The following ST3GAL4 variants were observed in gnomAD, a reference collection of about 807,000 sequenced individuals.
The protein encoded by ST3GAL4 is ST3 beta-galactoside alpha-2,3-sialyltransferase 4.
In ST3GAL4, 24 loss-of-function variants were observed where a neutral mutation model predicts 42.6. The ratio of observed to expected loss-of-function variants is 0.56; its 90% confidence interval spans 0.41 to 0.79. The LOEUF is 0.79. ST3GAL4 is among the 30% of genes least tolerant of loss of function. The pLI is 0.00. For synonymous variants in ST3GAL4, 135 were observed against 163.2 expected, an observed-to-expected ratio of 0.83 and a Z score of 1.32; for missense variants, 311 against 430.8, an observed-to-expected ratio of 0.72 and a Z score of 2.46.
chr11:126,375,718 G>A (rs73632771), intron 1 of ST3GAL4, among the ~76,000 whole-genome samples: 4,921 of 152,202 alleles, frequency 0.032, 254 homozygotes, highest in African/African-American at 0.11. Flanking sequence ...GTCACACCTG[G>A]GGAGTGGGAT....
intron 1 of ST3GAL4, among the ~76,000 whole-genome samples, chr11:126,385,441 C>G (rs1288037610): frequency 6.6e-6 from 1 of 152,080 alleles, no homozygotes; most frequent in Non-Finnish European, 1.5e-5. Flanking sequence ...CATGAGCCAC[C>G]GCGCCTGACC....
chr11:126,386,925 C>G lies in ST3GAL4; in HGVS notation c.-60-19171C>G, dbSNP rs182793751. On this transcript the variant is annotated intron_variant, in intron 1 of 10. Transcript: ENST00000444328. The surrounding 1 kb of genome is among the most constrained non-coding windows in gnomAD (Gnocchi z 4.7). Reference sequence around the variant, plus strand: ...CCCCTCCCCCACCCCGCTGGAGAAGCCCTGCACCAGAGCATACAGTTTGGC... The same window carrying G: ...CCCCTCCCCCACCCCGCTGGAGAAGGCCTGCACCAGAGCATACAGTTTGGC... 8.6e-5 allele frequency among the ~76,000 whole-genome samples: 13 copies of G among 151,838 alleles called. No individual in the cohort carries two copies. The highest frequency in any genetic ancestry group is 5.2e-4 in the Admixed American group (8 of 15,272).
rs1954236401 is a variant in ST3GAL4 at position 126,406,468 on chromosome 11, T to C, written c.17-5T>C. ...CTCTAGCTCCTCTCTGCATGTGTCCTGCAGGCTGGAAGCTCCTGGCCATGT... is the reference window on the plus strand; with the variant it reads ...CTCTAGCTCCTCTCTGCATGTGTCCCGCAGGCTGGAAGCTCCTGGCCATGT... On this transcript the variant is annotated splice_polypyrimidine_tract_variant and splice_region_variant and intron_variant, in intron 2 of 10. Transcript: ENST00000444328. This position sits in a 1 kb window ranked among gnomAD's most constrained non-coding sequence, Gnocchi z 5.4. 6.2e-7 allele frequency: 1 copy of C among 1,614,214 alleles called. No homozygotes were observed. The highest frequency in any genetic ancestry group is 1.3e-5 in the African/African-American group (1 of 75,058).
Position 126,378,171 on chromosome 11 carries a change from A to G in ST3GAL4, c.-61+22329A>G, listed in dbSNP as rs1325446758. Among the ~76,000 whole-genome samples the G allele has an allele frequency of 6.6e-6, 1 of 152,188 alleles. No homozygotes were observed. The highest frequency in any genetic ancestry group is 1.5e-5 in the Non-Finnish European group (1 of 68,036). Reference sequence around the variant, plus strand: ...CACAGATCCAGACTGGCTAGGTAGAACACCTTTACATACTTTGTTGCTGCA... The same window carrying G: ...CACAGATCCAGACTGGCTAGGTAGAGCACCTTTACATACTTTGTTGCTGCA... On this transcript the variant is annotated intron_variant, in intron 1 of 10. Coordinates refer to ENST00000444328, the MANE Select transcript of ST3GAL4 (RefSeq NM_001254757.2). The surrounding 1 kb of genome is among the most constrained non-coding windows in gnomAD (Gnocchi z 5.3).
rs932559750 is a variant in ST3GAL4, at chr11:126,400,489, A to G, written c.-60-5607A>G. Among the ~76,000 whole-genome samples the G allele has an allele frequency of 1.3e-5, 2 of 152,184 alleles. No homozygotes were observed. Among genetic ancestry groups the G allele is most frequent in the Non-Finnish European group, 2.9e-5 (2 of 68,028 alleles). On this transcript the variant is annotated intron_variant, in intron 1 of 10. Coordinates refer to ENST00000444328, the MANE Select transcript of ST3GAL4 (RefSeq NM_001254757.2). The surrounding 1 kb of genome is among the most constrained non-coding windows in gnomAD (Gnocchi z 4.6). ...AATAAAGGTGGAAAAGGGATGTGGC[A>G]GCTACAGTGGGAGGGAAAAGGTGGC...
At chr11:126,360,818 T>C (rs1952218585) in intron 1 of ST3GAL4, among the ~76,000 whole-genome samples, 1 of 152,258 alleles carries the variant, frequency 6.6e-6, no homozygotes, top group South Asian at 2.1e-4. Context: ...TGATGAGTGA[T>C]GGAAATGCAG....
Position 126,359,677 on chromosome 11 carries a change from G to A in ST3GAL4, c.-61+3835G>A, listed in dbSNP as rs770914705. Among the ~76,000 whole-genome samples the A allele has an allele frequency of 2.0e-5, 3 of 152,216 alleles. No individual in the cohort carries two copies. Among genetic ancestry groups the A allele is most frequent in the Non-Finnish European group, 4.4e-5 (3 of 68,036 alleles). On this transcript the variant is annotated intron_variant, in intron 1 of 10. Transcript: ENST00000444328. The surrounding 1 kb of genome is among the most constrained non-coding windows in gnomAD (Gnocchi z 4.8). ...CGGCCGGGCCGTACCCTGAGCACAC[G>A]CTTGTCCGCTTTCTCAGCTGGGCGG...
chr11:126,410,436 T>C lies in ST3GAL4; in HGVS notation c.771+1025T>C, dbSNP rs1565428639. Among the ~76,000 whole-genome samples, 1 of 152,158 alleles carries C rather than the reference T, an allele frequency of 6.6e-6. No individual in the cohort carries two copies. Among genetic ancestry groups the C allele is most frequent in the Non-Finnish European group, 1.5e-5 (1 of 68,028 alleles). On this transcript the variant is annotated intron_variant, in intron 9 of 10. Transcript: ENST00000444328. This position sits in a 1 kb window ranked among gnomAD's most constrained non-coding sequence, Gnocchi z 5.3. ...TATGGCGCTTGGCTGTGCTGTGTAC[T>C]GTGTGGGGCTTGGCAGGTCAACTGC...
chr11:126,359,097 C>T lies in ST3GAL4; in HGVS notation c.-61+3255C>T, dbSNP rs1448315664. ...CTTTCCTGTTTAGGGGAGGCAGCCC[C>T]AAAGAGTGCTGGGACCAGTTTGGAG... On this transcript the variant is annotated intron_variant, in intron 1 of 10. Coordinates refer to ENST00000444328, the MANE Select transcript of ST3GAL4 (RefSeq NM_001254757.2). The surrounding 1 kb of genome is among the most constrained non-coding windows in gnomAD (Gnocchi z 4.8). Among the ~76,000 whole-genome samples the T allele has an allele frequency of 6.6e-6, 1 of 152,108 alleles. No homozygotes were observed. The highest frequency in any genetic ancestry group is 1.5e-5 in the Non-Finnish European group (1 of 68,024).
chr11:126,407,567 T>C lies in ST3GAL4; in HGVS notation c.281-7T>C. ...ACATCAGTCCCTCCGCCTGGTACTT[T>C]TTGTAGAGGATCTGCTCCTCCGGGT... On this transcript the variant is annotated splice_region_variant and splice_polypyrimidine_tract_variant and intron_variant, in intron 5 of 10. Coordinates refer to ENST00000444328, the MANE Select transcript of ST3GAL4 (RefSeq NM_001254757.2). 5 of 1,614,112 alleles carry C rather than the reference T, an allele frequency of 3.1e-6. No homozygotes were observed. The highest frequency in any genetic ancestry group is 4.2e-6 in the Non-Finnish European group (5 of 1,179,998).
chr11:126,397,779 GGA>G lies in ST3GAL4; in HGVS notation c.-60-8307_-60-8306del, dbSNP rs1004793038. Among the ~76,000 whole-genome samples, 2 of 152,142 alleles carry G rather than the reference GGA, an allele frequency of 1.3e-5. No homozygotes were observed. Among genetic ancestry groups the G allele is most frequent in the Admixed American group, 1.3e-4 (2 of 15,282 alleles). On this transcript the variant is annotated intron_variant, in intron 1 of 10. Transcript: ENST00000444328. The surrounding 1 kb of genome is among the most constrained non-coding windows in gnomAD (Gnocchi z 5.0). ...ATGGTGGATGGAAGAAGGGCAAGGTGGAGAGAGAGAGCAGGAAGGGGCCTAAT... is the reference window on the plus strand; with the variant it reads ...ATGGTGGATGGAAGAAGGGCAAGGTGGAGAGAGAGCAGGAAGGGGCCTAAT...
chr11:126,375,478 G>GT (rs1388081091), intron 1 of ST3GAL4, among the ~76,000 whole-genome samples: 1 of 152,150 alleles, frequency 6.6e-6, no homozygotes, highest in Non-Finnish European at 1.5e-5. Flanking sequence ...GCCGTAGGAT[G>GT]TGGGGGTTCT....
intron 1 of ST3GAL4, among the ~76,000 whole-genome samples, chr11:126,401,578 GAAA>G (rs373164060): frequency 7.1e-6 from 1 of 139,880 alleles, no homozygotes; most frequent in Non-Finnish European, 1.6e-5. Flanking sequence ...AGAAGAAGAA[GAAA>G]AAAAAAAAGG....
At chr11:126,356,728 C>A (rs562613284) in intron 1 of ST3GAL4, among the ~76,000 whole-genome samples, 156 of 152,356 alleles carry the variant, frequency 1.0e-3, no homozygotes, top group African/African-American at 3.4e-3. Context: ...AAGCTGGCAC[C>A]CCCCACAGGC....
chr11:126,372,361 A>G lies in ST3GAL4; in HGVS notation c.-61+16519A>G, dbSNP rs182247371. 5.1e-4 allele frequency among the ~76,000 whole-genome samples: 78 copies of G among 151,952 alleles called. 1 individual carries two copies. The highest frequency in any genetic ancestry group is 9.4e-4 in the Non-Finnish European group (64 of 67,954). On this transcript the variant is annotated intron_variant, in intron 1 of 10. Coordinates refer to ENST00000444328, the MANE Select transcript of ST3GAL4 (RefSeq NM_001254757.2). ...TATTTCACTTTGCATAGTGTCTTCA[A>G]GGTTGATCCATGTTGCAGTGTATGT...
chr11:126,356,586 C>T (rs1952073432), intron 1 of ST3GAL4, among the ~76,000 whole-genome samples: 1 of 152,270 alleles, frequency 6.6e-6, no homozygotes, highest in Admixed American at 6.5e-5. Flanking sequence ...GCCTGACCTA[C>T]TGTGGCTGCT....
intron 1 of ST3GAL4, among the ~76,000 whole-genome samples, chr11:126,403,650 T>C (rs760151998): frequency 2.0e-5 from 3 of 152,212 alleles, no homozygotes; most frequent in Non-Finnish European, 4.4e-5. Flanking sequence ...CAAAGGAAGA[T>C]GAAACGCACC....
rs1053522769 is a variant in ST3GAL4 at position 126,384,529 on chromosome 11, T to A, written c.-60-21567T>A. ...AGGTGTGGCGGGCCTGCCTGTGGGG[T>A]CACCATGGACAGGAGGCTGGTGTCT... On this transcript the variant is annotated intron_variant, in intron 1 of 10. Coordinates refer to ENST00000444328, the MANE Select transcript of ST3GAL4 (RefSeq NM_001254757.2). This position sits in a 1 kb window ranked among gnomAD's most constrained non-coding sequence, Gnocchi z 5.5. Among the ~76,000 whole-genome samples, 2 of 151,610 alleles carry A rather than the reference T, an allele frequency of 1.3e-5. No homozygotes were observed. The highest frequency in any genetic ancestry group is 4.8e-5 in the African/African-American group (2 of 41,284).
intron 4 of ST3GAL4, 67 bp downstream of exon 4, chr11:126,407,090 T>C: frequency 6.5e-7 from 1 of 1,534,802 alleles, no homozygotes; most frequent in Non-Finnish European, 9.0e-7. Flanking sequence ...GGTTTCACAG[T>C]GTGGGGAGTA....
Sources: gnomAD v4.1 joint callset for allele counts (sites outside exome capture counted in the v4.1 genomes callset) on GRCh38, gnomAD v4.1.1 for gene constraint, Gnocchi (gnomAD v3.1) non-coding constraint, MANE v1.5 for transcripts, NCBI Gene and HGNC (gene_info 2026-07-23, HGNC 2026-07-21) for gene names.